The following KIF7 variants were observed in gnomAD, a reference collection of about 807,000 sequenced individuals.
KIF7 encodes kinesin-like protein KIF7.
A neutral mutation model predicts 135.7 loss-of-function variants in KIF7; 104 were observed. The observed-to-expected ratio is 0.77, with a 90% confidence interval of 0.65 to 0.90. The LOEUF is 0.90. Among genes scored for constraint, KIF7 ranks in the 40% least tolerant of loss-of-function variants. The pLI is 0.00. For missense variants in KIF7, 2,005 were observed against 1,839.1 expected, an observed-to-expected ratio of 1.09 and a Z score of -1.65; for synonymous variants, 883 against 809.4, an observed-to-expected ratio of 1.09 and a Z score of -1.54.
chr15:89,630,281 G>A lies in KIF7; in HGVS notation c.3318+6C>T. On this transcript the variant is annotated splice_donor_region_variant and intron_variant, in intron 16 of 18. Coordinates refer to ENST00000394412, the MANE Select transcript of KIF7 (RefSeq NM_198525.3). ...GGAGCTGGGGGGCCATGGGCTGCTGGCCCACCTTGTCAAAATACTTGCAGA... is the reference window on the plus strand; with the variant it reads ...GGAGCTGGGGGGCCATGGGCTGCTGACCCACCTTGTCAAAATACTTGCAGA... 1 of 1,613,872 alleles carries A rather than the reference G, an allele frequency of 6.2e-7. No homozygotes were observed. The highest frequency in any genetic ancestry group is 8.5e-7 in the Non-Finnish European group (1 of 1,179,886).
chr15:89,662,972 C>G, the KIF7 span, among the ~76,000 whole-genome samples: 1 of 152,234 alleles, frequency 6.6e-6, no homozygotes, highest in Non-Finnish European at 1.5e-5. Flanking sequence ...CTCCAGCACC[C>G]GTGCTCAGGC....
downstream of KIF7, chr15:89,627,264 C>G (rs188344261): frequency 5.2e-5 from 38 of 729,240 alleles, no homozygotes; most frequent in Non-Finnish European, 7.3e-5. Flanking sequence ...GGCCCTGCCC[C>G]TTGTTGGGGA....
chr15:89,627,016 C>G (rs1963541763), downstream of KIF7: 1 of 1,614,002 alleles, frequency 6.2e-7, no homozygotes, highest in Non-Finnish European at 8.5e-7. Flanking sequence ...CGCGCTTTCT[C>G]CAGGAGGCGC....
At chr15:89,636,899 C>T (rs1440210937) in intron 11 of KIF7, among the ~76,000 whole-genome samples, 2 of 147,936 alleles carry the variant, frequency 1.4e-5, no homozygotes, top group African/African-American at 5.0e-5. Context: ...CCACACCACA[C>T]CTATTCCAAA....
chr15:89,630,014 G>A (rs1054301321), intron 16 of KIF7: 2 of 553,752 alleles, frequency 3.6e-6, no homozygotes, highest in South Asian at 2.1e-5. Context: ...GTCACAAAAG[G>A]GCAAAAACTT....
chr15:89,660,906 C>T, the KIF7 span, among the ~76,000 whole-genome samples: 1 of 152,314 alleles, frequency 6.6e-6, no homozygotes, highest in East Asian at 1.9e-4. Context: ...GAGCCCTTAT[C>T]CTGCAGCCCT....
chr15:89,629,489 C>G lies in KIF7; in HGVS notation c.3403G>C (p.Val1135Leu). Residue 1135 changes from valine (V) to leucine (L), a missense_variant, in exon 17 of 19, where the codon GTG (valine) becomes CTG (leucine). Val to Leu is a conservative substitution (Grantham distance 32, BLOSUM62 1). Coordinates refer to ENST00000394412, the MANE Select transcript of KIF7 (RefSeq NM_198525.3). ...EMQLEEQQRLVYWLEVALERQ... is the reference protein window; with the variant it reads ...EMQLEEQQRLLYWLEVALERQ... ...TCCAGGGCCACCTCCAGCCAGTACA[C>G]CAGCCTCTGCTGCTCCTCCAGCTGC... 1.9e-6 allele frequency: 3 copies of G among 1,611,600 alleles called. No individual in the cohort carries two copies. Among genetic ancestry groups the G allele is most frequent in the Non-Finnish European group, 2.5e-6 (3 of 1,180,004 alleles).
rs763580753 is a variant in KIF7 at position 89,633,012 on chromosome 15, G to GAGGA, written c.2719-17_2719-16insTCCT. On this transcript the variant is annotated splice_polypyrimidine_tract_variant and intron_variant, in intron 13 of 18. Coordinates refer to ENST00000394412, the MANE Select transcript of KIF7 (RefSeq NM_198525.3). ...CCTCAATCTTCTAAGGAAAAGTAGG[G>GAGGA]AGGGAGGGAGGGAACTCAGGGCCCA... 7 of 1,383,330 alleles carry GAGGA rather than the reference G, an allele frequency of 5.1e-6. No homozygotes were observed. In the East Asian group the frequency reaches 1.8e-4, roughly 35 times the overall value. 85.7% of individuals were successfully genotyped at this position (1,383,330 alleles called of 1,614,324 possible). A position where few individuals can be genotyped will look rare whatever the true frequency, so the allele number is the denominator to read the frequency against.
intron 11 of KIF7, among the ~76,000 whole-genome samples, chr15:89,641,340 T>C (rs956014939): frequency 6.6e-6 from 1 of 152,036 alleles, no homozygotes; most frequent in Admixed American, 6.6e-5. Context: ...ACTGACAGCC[T>C]CCAGAGCTGG....
intron 10 of KIF7, among the ~76,000 whole-genome samples, chr15:89,643,268 C>T (rs764591624): frequency 6.6e-6 from 1 of 152,224 alleles, no homozygotes; most frequent in East Asian, 1.9e-4. Flanking sequence ...TTTTTCTTAT[C>T]ATCATTACCT....
chr15:89,659,919 G>A (rs959733620), upstream of KIF7, among the ~76,000 whole-genome samples: 22 of 152,158 alleles, frequency 1.4e-4, no homozygotes, highest in Admixed American at 1.4e-3. Flanking sequence ...GAAACAGGCC[G>A]GGCATGGTAG....
Position 89,633,853 on chromosome 15 carries a change from G to A in KIF7, c.2425C>T (p.Arg809Trp), listed in dbSNP as rs367734857. Reference protein sequence around the residue: ...VLKEKKQATERLVSLSAQSEK... With the variant: ...VLKEKKQATEWLVSLSAQSEK... ...CTCTGGGCCGACAGTGACACCAGCC[G>A]CTCCGTAGCCTGCTTCTTCTCCTTC... Residue 809 changes from arginine to tryptophan, a missense_variant, in exon 12 of 19, where the codon CGG (arginine) becomes TGG (tryptophan). Physicochemically the swap from Arg to Trp is moderately radical, Grantham distance 101. Coordinates refer to ENST00000394412, the MANE Select transcript of KIF7 (RefSeq NM_198525.3). 1.1e-4 allele frequency: 175 copies of A among 1,613,650 alleles called. No homozygotes were observed. Among genetic ancestry groups the A allele is most frequent in the South Asian group, 2.0e-4 (18 of 91,080 alleles).
exon 2 of KIF7, chr15:89,618,048 C>A: frequency 8.5e-7 from 1 of 1,175,206 alleles, no homozygotes. Context: ...TGTTATCAGA[C>A]CCTGTGATCT....
At chr15:89,631,027 GT>G (rs1204890001) in intron 15 of KIF7, 2 of 225,312 alleles carry the variant, frequency 8.9e-6, no homozygotes, top group South Asian at 7.5e-5. Context: ...AAAACGCACA[GT>G]AAAAATGCGG....
At chr15:89,657,516 T>C (rs1386504801), upstream of KIF7, among the ~76,000 whole-genome samples, 1 of 152,186 alleles carries the variant, frequency 6.6e-6, no homozygotes, top group East Asian at 1.9e-4. Context: ...TTTTTCTGTG[T>C]ATCAGTAGCA....
downstream of KIF7, chr15:89,627,526 T>TGAA (rs1430683214): frequency 7.7e-5 from 13 of 169,112 alleles, no homozygotes; most frequent in African/African-American, 2.4e-4. Flanking sequence ...TACGTGAAAC[T>TGAA]GAAGAGTGCA....
At position 89,649,181 on chromosome 15, in the gene KIF7, G is replaced by A; in HGVS notation, c.716C>T (p.Ala239Val). The change falls in exon 4 of 19, where the codon GCC becomes GTC. Residue 239 changes from alanine (A) to valine (V), a missense_variant. Ala to Val is a moderately conservative substitution (Grantham distance 64, BLOSUM62 0). Transcript: ENST00000394412. Reference sequence around the variant, plus strand: ...CTTGGAGACGAGCAGCTGGCCCGGGGCGGGGCGGGGTAGGCGGCTGGGGGC... The same window carrying A: ...CTTGGAGACGAGCAGCTGGCCCGGGACGGGGCGGGGTAGGCGGCTGGGGGC... The part of the protein sequence containing the change: ...GRAPSRLPRP[A>V]PGQLLVSKFH... 1 of 1,547,342 alleles carries A rather than the reference G, an allele frequency of 6.5e-7. No homozygotes were observed. The highest frequency in any genetic ancestry group is 8.7e-7 in the Non-Finnish European group (1 of 1,146,494).
chr15:89,633,334 C>T (rs780511193), intron 12 of KIF7, 68 bp from the exon 13 acceptor site: 71 of 1,532,652 alleles, frequency 4.6e-5, no homozygotes, highest in Non-Finnish European at 6.0e-5. Flanking sequence ...TGCCACCGAT[C>T]CCAAAGCCCC....
At chr15:89,638,072 G>A (rs549695406) in intron 11 of KIF7, among the ~76,000 whole-genome samples, 2 of 148,618 alleles carry the variant, frequency 1.3e-5, no homozygotes, top group Non-Finnish European at 3.0e-5. Flanking sequence ...ACAAAATCAC[G>A]ATTATCTCAA....
Sources: gnomAD v4.1 joint callset for allele counts (sites outside exome capture counted in the v4.1 genomes callset) on GRCh38, gnomAD v4.1.1 for gene constraint, MANE v1.5 for transcripts, NCBI Gene and HGNC (gene_info 2026-07-23, HGNC 2026-07-21) for gene names.